Variants in KIF21A observed in about 807,000 individuals in gnomAD.
The protein encoded by KIF21A is kinesin family member 21A, also known as kinesin-like protein KIF21A.
KIF21A carries 114 observed loss-of-function variants against 202.9 expected under a neutral mutation model. That is an observed-to-expected ratio of 0.56 (90% CI 0.48 to 0.66). The LOEUF (loss-of-function observed/expected upper bound fraction) is 0.66. Among genes scored for constraint, KIF21A ranks in the 30% least tolerant of loss-of-function variants. The pLI, the probability that KIF21A is intolerant of heterozygous loss-of-function variation, is 0.00. For synonymous variants in KIF21A, 667 were observed against 670.8 expected, an observed-to-expected ratio of 0.99 and a Z score of 0.09; for missense variants, 1,677 against 1,994.9, an observed-to-expected ratio of 0.84 and a Z score of 3.04.
chr12:39,434,125 A>G (rs1938345020), intron 1 of KIF21A, among the ~76,000 whole-genome samples: 1 of 152,216 alleles, frequency 6.6e-6, no homozygotes, highest in African/African-American at 2.4e-5. Flanking sequence ...ACAGTTCTAG[A>G]GGCTGGGAAC....
chr12:39,374,954 T>G (rs946049874), intron 1 of KIF21A, among the ~76,000 whole-genome samples: 29 of 152,172 alleles, frequency 1.9e-4, no homozygotes, highest in African/African-American at 7.0e-4. Flanking sequence ...TGTTCCTTAT[T>G]TCTTCATTAT....
intron 1 of KIF21A, among the ~76,000 whole-genome samples, chr12:39,440,800 G>A (rs1939456929): frequency 6.6e-6 from 1 of 152,264 alleles, no homozygotes; most frequent in African/African-American, 2.4e-5. Flanking sequence ...GACGGCTTGA[G>A]CCCAGGAGTA....
At chr12:39,334,723 A>G (rs1312211904) in intron 17 of KIF21A, among the ~76,000 whole-genome samples, 1 of 152,196 alleles carries the variant, frequency 6.6e-6, no homozygotes, top group Admixed American at 6.5e-5. Context: ...CAATTTTAAA[A>G]GGAGGTCAAT....
chr12:39,441,659 G>GGAAAAAAAAAAAAAAAAAA (rs1939597826), intron 1 of KIF21A, among the ~76,000 whole-genome samples: 1 of 1,168 alleles, frequency 8.6e-4, no homozygotes, highest in Non-Finnish European at 1.7e-3. Context: ...TCCCTGGGTG[G>GGAAAAAAAAAAAAAAAAAA]TAAAAAAAAA....
chr12:39,348,580 A>G (rs1003753824), intron 11 of KIF21A, among the ~76,000 whole-genome samples: 1 of 152,032 alleles, frequency 6.6e-6, no homozygotes, highest in East Asian at 1.9e-4. Flanking sequence ...CAACTCTTAC[A>G]TTGTCAGAGG....
chr12:39,296,592 A>C (rs1013442285), intron 37 of KIF21A, among the ~76,000 whole-genome samples: 21 of 152,212 alleles, frequency 1.4e-4, no homozygotes, highest in Admixed American at 7.2e-4. Flanking sequence ...TACAATTTTA[A>C]ATAAAATGGC....
intron 31 of KIF21A, 77 bp downstream of exon 31, chr12:39,315,152 A>T (rs1944400983): frequency 5.8e-6 from 8 of 1,370,444 alleles, no homozygotes; most frequent in Non-Finnish European, 7.3e-6. Flanking sequence ...ATAAACACTT[A>T]TTTTTGTTCC....
chr12:39,311,372 T>TTA lies in KIF21A; in HGVS notation c.4096+44_4096+45insTA, dbSNP rs1565686500. The TTA allele has an allele frequency of 3.3e-5, 50 of 1,520,680 alleles. No homozygotes were observed. The South Asian group carries it at 5.2e-4, about 16-fold the overall frequency. The allele number at this position is 1,520,680 out of a possible 1,614,324, so 94.2% of individuals were successfully genotyped here. On this transcript the variant is annotated intron_variant, in intron 32 of 37. Transcript: ENST00000361418. ...AATATGTTAAAAATGTAATTTTTTT[T>TTA]AAAAAAAAAGCTATTAAATATCTGC... is the stretch of plus-strand genomic sequence containing the variant.
chr12:39,369,989 T>C, intron 2 of KIF21A, 50 bp downstream of exon 2: 2 of 1,584,136 alleles, frequency 1.3e-6, no homozygotes, highest in East Asian at 4.5e-5. Context: ...CGCAACTGAA[T>C]TAACATTTCT....
chr12:39,341,547 C>A lies in KIF21A; in HGVS notation c.1879G>T (p.Gly627Cys). 1.2e-6 allele frequency: 2 copies of A among 1,612,992 alleles called. No homozygotes were observed. The highest frequency in any genetic ancestry group is 1.7e-6 in the Non-Finnish European group (2 of 1,179,452). ...EEEEEDDIDG[G>C]ESSDESDSES... ...GAATCTGATTCATCAGAACTTTCAC[C>A]CCCATCAATGTCATCTTCCTCCTCC... is the stretch of plus-strand genomic sequence containing the variant. The change falls in exon 14 of 38, where the codon GGT (glycine) becomes TGT (cysteine). Residue 627 changes from glycine to cysteine, a missense_variant. Transcript: ENST00000361418.
At chr12:39,352,403 T>TCA (rs1948461127) in intron 10 of KIF21A, among the ~76,000 whole-genome samples, 1 of 152,138 alleles carries the variant, frequency 6.6e-6, no homozygotes, top group Non-Finnish European at 1.5e-5. Flanking sequence ...AAAAGAATGC[T>TCA]CACACACATT....
At chr12:39,302,532 G>A (rs1006962757) in intron 36 of KIF21A, among the ~76,000 whole-genome samples, 1 of 152,166 alleles carries the variant, frequency 6.6e-6, no homozygotes, top group Admixed American at 6.5e-5. Flanking sequence ...TAGGAAATGA[G>A]AGAACCACCA....
chr12:39,361,584 C>G (rs1437515291), intron 7 of KIF21A, among the ~76,000 whole-genome samples: 2 of 106,442 alleles, frequency 1.9e-5, no homozygotes, highest in Non-Finnish European at 3.5e-5. Context: ...TGCAGTGGCA[C>G]GATCTCCGCC....
In KIF21A at chr12:39,424,194, T is replaced by G. The variant is rs143481241; in HGVS notation, c.44+18733A>C. Among the ~76,000 whole-genome samples, 3 of 152,194 alleles carry G rather than the reference T, an allele frequency of 2.0e-5. No homozygotes were observed. The East Asian group carries it at 5.8e-4, about 29-fold the overall frequency. ...ATAACTTAACTCCAACCAAAGGCAATGGCCAACTTTTGCTCACATCTTACT... is the reference window on the plus strand; with the variant it reads ...ATAACTTAACTCCAACCAAAGGCAAGGGCCAACTTTTGCTCACATCTTACT... On this transcript the variant is annotated intron_variant, in intron 1 of 37. Transcript: ENST00000361418.
rs777330211 is a variant in KIF21A, at chr12:39,370,303, C to A, written c.45-42G>T. 4.9e-6 allele frequency: 7 copies of A among 1,421,454 alleles called. No homozygotes were observed. In the Admixed American group the frequency reaches 5.6e-5, roughly 11 times the overall value. 88.1% of individuals were successfully genotyped at this position (1,421,454 alleles called of 1,614,324 possible). A position where few individuals can be genotyped will look rare whatever the true frequency, so the allele number is the denominator to read the frequency against. On this transcript the variant is annotated intron_variant, in intron 1 of 37. Coordinates refer to ENST00000361418, the MANE Select transcript of KIF21A (RefSeq NM_001173464.2). ...GAAAAGAAAAAAATAAAATAAATGGCAAAAAAAAACCTCTCAAAAAATAGG... is the reference window on the plus strand; with the variant it reads ...GAAAAGAAAAAAATAAAATAAATGGAAAAAAAAAACCTCTCAAAAAATAGG...
At chr12:39,400,654 AGAAAG>A (rs1319564201) in intron 1 of KIF21A, among the ~76,000 whole-genome samples, 1 of 152,236 alleles carries the variant, frequency 6.6e-6, no homozygotes, top group Non-Finnish European at 1.5e-5. Flanking sequence ...AGCCATAAAA[AGAAAG>A]GGAAGGGTCT....
At chr12:39,406,611 C>T (rs962679415) in intron 1 of KIF21A, among the ~76,000 whole-genome samples, 1 of 152,218 alleles carries the variant, frequency 6.6e-6, no homozygotes, top group South Asian at 2.1e-4. Context: ...ATCCTTTTCC[C>T]TGTGTATCAT....
rs776230019 is a variant in KIF21A, at chr12:39,309,693, G to A, written c.4170C>T (p.Val1390=). The A allele has an allele frequency of 3.1e-6, 5 of 1,613,084 alleles. No individual in the cohort carries two copies. Among genetic ancestry groups the A allele is most frequent in the African/African-American group, 2.7e-5 (2 of 74,842 alleles). ...IMSLGGHPNN[V]VSVKYCNYTS... ...TATAATTACAGTATTTTACAGACAC[G>A]ACATTGTTGGGATGACCCCCCAGTG... Residue 1390 remains valine, a synonymous_variant, in exon 33 of 38, where the codon GTC becomes GTT. Transcript: ENST00000361418.
At chr12:39,311,386 T>C (rs764010741) in intron 32 of KIF21A, 31 bp downstream of exon 32, 3 of 1,596,640 alleles carry the variant, frequency 1.9e-6, no homozygotes, top group South Asian at 1.1e-5. Context: ...AAAAAAGCTA[T>C]TAAATATCTG....
Sources: allele counts gnomAD v4.1 joint callset (sites outside exome capture counted in the v4.1 genomes callset), GRCh38; gene constraint gnomAD v4.1.1; transcripts MANE v1.5; gene names NCBI Gene and HGNC (gene_info 2026-07-23, HGNC 2026-07-21).